The following SLC45A4 variants were observed in gnomAD, a reference collection of about 807,000 sequenced individuals.
The protein encoded by SLC45A4 is polyamine-transporter SLC45A4.
A neutral mutation model predicts 63.7 loss-of-function variants in SLC45A4; 32 were observed. That is an observed-to-expected ratio of 0.50 (90% CI 0.38 to 0.67). SLC45A4 has a LOEUF of 0.67. Ranked by LOEUF, SLC45A4 falls within the 30% of genes least tolerant of loss-of-function variation. The pLI, the probability that SLC45A4 is intolerant of heterozygous loss-of-function variation, is 0.00. For missense variants in SLC45A4, 1,027 were observed against 1,157.7 expected, an observed-to-expected ratio of 0.89 and a Z score of 1.64; for synonymous variants, 535 against 510.0, an observed-to-expected ratio of 1.05 and a Z score of -0.66.
chr8:141,272,868 A>G (rs1388495840), intron 1 of SLC45A4, among the ~76,000 whole-genome samples: 2 of 152,230 alleles, frequency 1.3e-5, no homozygotes, highest in Non-Finnish European at 2.9e-5. Flanking sequence ...GACAATTTAC[A>G]TGACGGTAAA....
intron 1 of SLC45A4, among the ~76,000 whole-genome samples, chr8:141,261,553 A>C (rs909415459): frequency 7.9e-5 from 12 of 152,358 alleles, no homozygotes; most frequent in African/African-American, 2.9e-4. Flanking sequence ...ATGTAGAAAA[A>C]TCACAAGCAT....
chr8:141,305,659 G>A (rs985861751), intron 1 of SLC45A4, among the ~76,000 whole-genome samples: 1 of 152,198 alleles, frequency 6.6e-6, no homozygotes, highest in Non-Finnish European at 1.5e-5. Flanking sequence ...CAGGCCACAA[G>A]GCTGTTGGTC....
intron 1 of SLC45A4, among the ~76,000 whole-genome samples, chr8:141,262,630 G>A (rs1239937436): frequency 1.3e-5 from 2 of 151,126 alleles, no homozygotes; most frequent in African/African-American, 2.4e-5. Flanking sequence ...ATCATCACTG[G>A]CCATCAGAGA....
intron 1 of SLC45A4, among the ~76,000 whole-genome samples, chr8:141,282,814 C>T (rs1277752095): frequency 2.0e-5 from 3 of 152,272 alleles, no homozygotes; most frequent in Non-Finnish European, 4.4e-5. Context: ...GGCCTGAGCT[C>T]AGCTCCTTTC....
At chr8:141,286,205 C>T (rs1365866090) in intron 1 of SLC45A4, among the ~76,000 whole-genome samples, 1 of 152,188 alleles carries the variant, frequency 6.6e-6, no homozygotes, top group East Asian at 1.9e-4. Flanking sequence ...GTGCCCACAG[C>T]CCCTCCTCGG....
intron 2 of SLC45A4, among the ~76,000 whole-genome samples, chr8:141,230,806 G>A (rs1164867820): frequency 5.9e-5 from 9 of 152,274 alleles, no homozygotes; most frequent in Admixed American, 5.2e-4. Flanking sequence ...TGCTGCCAGA[G>A]AGCATGTGGC....
In SLC45A4 at chr8:141,215,686, A is replaced by G; in HGVS notation, c.1941+73T>C. On this transcript the variant is annotated intron_variant, in intron 7 of 8. Coordinates refer to ENST00000517878, the MANE Select transcript of SLC45A4 (RefSeq NM_001286646.2). This position sits in a 1 kb window ranked among gnomAD's most constrained non-coding sequence, Gnocchi z 4.3. ...CGTGAACGTCCCCCCGGGGAAGCAC[A>G]GGGCTCTGCTCTGTATGGAGGGAAG... 6.7e-7 allele frequency: 1 copy of G among 1,491,060 alleles called. No homozygotes were observed. The highest frequency in any genetic ancestry group is 9.2e-7 in the Non-Finnish European group (1 of 1,082,684). The allele number at this position is 1,491,060 out of a possible 1,614,324, so 92.4% of individuals were successfully genotyped here. A position where few individuals can be genotyped will look rare whatever the true frequency, so the allele number is the denominator to read the frequency against.
rs533385939 is a variant in SLC45A4, at chr8:141,215,854, C to T, written c.1846G>A (p.Val616Ile). 2.9e-4 allele frequency: 470 copies of T among 1,614,126 alleles called. 4 individuals carry two copies. In the South Asian group the frequency reaches 4.6e-3, roughly 16 times the overall value. Residue 616 changes from valine to isoleucine, a missense_variant, in exon 7 of 9, where the codon GTC becomes ATC. Coordinates refer to ENST00000517878, the MANE Select transcript of SLC45A4 (RefSeq NM_001286646.2). The surrounding 1 kb of genome is among the most constrained non-coding windows in gnomAD (Gnocchi z 4.3). ...AVMAMFPNVY[V>I]AMVTISTMGI... The stretch of plus-strand genomic sequence containing the variant: ...ATGGTGCTGATGGTGACCATGGCGA[C>T]GTAGACGTTGGGAAACATGGCCATC...
At chr8:141,276,714 C>T (rs1199218714) in intron 1 of SLC45A4, among the ~76,000 whole-genome samples, 4 of 152,188 alleles carry the variant, frequency 2.6e-5, no homozygotes, top group African/African-American at 7.2e-5. Flanking sequence ...AGAAAGGAGT[C>T]GACTGCCCTT....
intron 2 of SLC45A4, 74 bp from the exon 3 acceptor site, chr8:141,221,839 C>A: frequency 6.5e-7 from 1 of 1,528,552 alleles, no homozygotes; most frequent in Non-Finnish European, 8.9e-7. Flanking sequence ...GGGAGCCCCG[C>A]GACAGGCAGG....
Position 141,210,868 on chromosome 8 carries a change from T to TA in SLC45A4, c.*703dup, listed in dbSNP as rs1373462318. The TA allele has an allele frequency of 6.6e-6, 1 of 152,328 alleles. No homozygotes were observed. Among genetic ancestry groups the TA allele is most frequent in the Non-Finnish European group, 1.5e-5 (1 of 68,084 alleles). 9.4% of individuals were successfully genotyped at this position (152,328 alleles called of 1,614,324 possible). A position where few individuals can be genotyped will look rare whatever the true frequency, so the allele number is the denominator to read the frequency against. On this transcript the variant is annotated 3_prime_UTR_variant, in exon 9 of 9. Transcript: ENST00000517878. ...CGACCGTTTCAAATAGGCTTAGTTC[T>TA]AAAGAGACTGTGGTTTGGAAAACAT...
At chr8:141,295,292 CCT>C in intron 1 of SLC45A4, among the ~76,000 whole-genome samples, 1 of 152,116 alleles carries the variant, frequency 6.6e-6, no homozygotes, top group Non-Finnish European at 1.5e-5. Flanking sequence ...GCCCCAGGCC[CCT>C]GAGAGAGGCA....
At chr8:141,290,935 G>A (rs915999140) in intron 1 of SLC45A4, among the ~76,000 whole-genome samples, 5 of 152,208 alleles carry the variant, frequency 3.3e-5, no homozygotes, top group African/African-American at 1.2e-4. Context: ...TGTAACCTCC[G>A]CCTCCTGGGC....
At chr8:141,231,721 C>T (rs1827365704) in intron 2 of SLC45A4, among the ~76,000 whole-genome samples, 3 of 152,228 alleles carry the variant, frequency 2.0e-5, no homozygotes, top group Admixed American at 2.0e-4. Context: ...GTGGGCCCTG[C>T]CCAGCCCACT....
At chr8:141,285,021 AG>A (rs1341797675) in intron 1 of SLC45A4, among the ~76,000 whole-genome samples, 1 of 152,216 alleles carries the variant, frequency 6.6e-6, no homozygotes, top group African/African-American at 2.4e-5. Flanking sequence ...TAGCCAGCAG[AG>A]GCCTGAGCAG....
In SLC45A4 at chr8:141,211,293, G is replaced by A. The variant is rs986228854; in HGVS notation, c.*279C>T. The A allele has an allele frequency of 2.3e-6, 2 of 884,588 alleles. No homozygotes were observed. Among genetic ancestry groups the A allele is most frequent in the African/African-American group, 1.7e-5 (1 of 57,324 alleles). The allele number at this position is 884,588 out of a possible 1,614,324, so 54.8% of individuals were successfully genotyped here. On this transcript the variant is annotated 3_prime_UTR_variant, in exon 9 of 9. Coordinates refer to ENST00000517878, the MANE Select transcript of SLC45A4 (RefSeq NM_001286646.2). The stretch of plus-strand genomic sequence containing the variant: ...GGAGGGGCAACCTGGCCTCCTAGGA[G>A]AGTCCTTCAGACGGGACGAGCGGGG...
chr8:141,294,314 A>C (rs918243670), intron 1 of SLC45A4, among the ~76,000 whole-genome samples: 1 of 152,252 alleles, frequency 6.6e-6, no homozygotes, highest in African/African-American at 2.4e-5. Context: ...TGAATGAACA[A>C]GCCGCATCGG....
rs1314143764 is a variant in SLC45A4, at chr8:141,254,358, T to TA, written c.-130dup. The TA allele has an allele frequency of 1.9e-6, 2 of 1,081,028 alleles. No individual in the cohort carries two copies. The highest frequency in any genetic ancestry group is 2.6e-5 in the East Asian group (1 of 38,580). The allele number at this position is 1,081,028 out of a possible 1,614,324, so 67.0% of individuals were successfully genotyped here. On this transcript the variant is annotated 5_prime_UTR_variant, in exon 2 of 9. An upstream open reading frame in the 5' UTR loses its in-frame stop. Transcript: ENST00000517878. The surrounding 1 kb of genome is among the most constrained non-coding windows in gnomAD (Gnocchi z 4.5). ...CTGTGTTCCTCGGGCAGGTAACACT[T>TA]ACATTCCTCTTTGCACAAGTGGCTA...
intron 1 of SLC45A4, among the ~76,000 whole-genome samples, chr8:141,265,024 T>C (rs1829205137): frequency 6.6e-6 from 1 of 152,238 alleles, no homozygotes; most frequent in Admixed American, 6.5e-5. Flanking sequence ...ATTCTTTTGT[T>C]GTCTGAGCGA....
Sources: gnomAD v4.1 joint callset for allele counts (sites outside exome capture counted in the v4.1 genomes callset) on GRCh38, gnomAD v4.1.1 for gene constraint, Gnocchi (gnomAD v3.1) non-coding constraint, MANE v1.5 for transcripts, NCBI Gene and HGNC (gene_info 2026-07-23, HGNC 2026-07-21) for gene names.